Variants in PIP4K2A observed in about 807,000 individuals in gnomAD.
The protein encoded by PIP4K2A is phosphatidylinositol-5-phosphate 4-kinase type 2 alpha.
A neutral mutation model predicts 42.9 loss-of-function variants in PIP4K2A; 14 were observed. That is an observed-to-expected ratio of 0.33 (90% confidence interval 0.22 to 0.51). The LOEUF (loss-of-function observed/expected upper bound fraction) is 0.51. Ranked by LOEUF, PIP4K2A falls within the 20% of genes least tolerant of loss-of-function variation. The probability of loss-of-function intolerance (pLI) is 0.97; values close to 1 mark genes in which losing one functional copy is unlikely to be tolerated. For synonymous variants in PIP4K2A, 192 were observed against 192.2 expected, an observed-to-expected ratio of 1.00 and a Z score of 0.01; for missense variants, 434 against 519.8, an observed-to-expected ratio of 0.83 and a Z score of 1.61.
chr10:22,609,423 A>C (rs1318758459), intron 2 of PIP4K2A, among the ~76,000 whole-genome samples, 197 bp downstream of exon 2: 1 of 152,270 alleles, frequency 6.6e-6, no homozygotes, highest in Non-Finnish European at 1.5e-5. Flanking sequence ...ACAATATGCC[A>C]TATGGCAAAG....
chr10:22,645,592 A>G (rs1057201912), intron 1 of PIP4K2A, among the ~76,000 whole-genome samples: 1 of 151,540 alleles, frequency 6.6e-6, no homozygotes, highest in African/African-American at 2.4e-5. Context: ...AAAGAAAAAG[A>G]TTAGTTTTGA....
intron 1 of PIP4K2A, 110 bp from the exon 2 acceptor site, chr10:22,609,827 T>TCCCA: frequency 1.6e-6 from 1 of 637,526 alleles, no homozygotes; most frequent in South Asian, 2.0e-5. Context: ...GAACTTCTCT[T>TCCCA]CCCACCCACC....
chr10:22,597,173 T>C (rs990132661), intron 3 of PIP4K2A, among the ~76,000 whole-genome samples: 1 of 152,136 alleles, frequency 6.6e-6, no homozygotes, highest in Non-Finnish European at 1.5e-5. Flanking sequence ...ATTAACTGAG[T>C]AGGAAGAGTA....
chr10:22,554,288 T>C (rs2130766365), intron 6 of PIP4K2A, among the ~76,000 whole-genome samples: 1 of 152,338 alleles, frequency 6.6e-6, no homozygotes, highest in South Asian at 2.1e-4. Flanking sequence ...AACATCTTTT[T>C]TTTAAATGTG....
At chr10:22,632,013 G>A (rs978445112) in intron 1 of PIP4K2A, among the ~76,000 whole-genome samples, 1 of 151,834 alleles carries the variant, frequency 6.6e-6, no homozygotes, top group Admixed American at 6.6e-5. Flanking sequence ...TGGTATTCTC[G>A]TGAAAACTGC....
intron 4 of PIP4K2A, among the ~76,000 whole-genome samples, chr10:22,584,273 A>C (rs934828320): frequency 6.6e-6 from 1 of 151,954 alleles, no homozygotes; most frequent in Non-Finnish European, 1.5e-5. Context: ...TCAGATTTTG[A>C]AAAATCTTCT....
chr10:22,668,199 C>T (rs1432326022), intron 1 of PIP4K2A, among the ~76,000 whole-genome samples: 1 of 152,170 alleles, frequency 6.6e-6, no homozygotes. Flanking sequence ...ATCCGCCTGC[C>T]TTGGCCTCCC....
chr10:22,567,944 C>A (rs780798147), intron 5 of PIP4K2A, 55 bp from the exon 6 acceptor site: 2 of 1,492,616 alleles, frequency 1.3e-6, no homozygotes, highest in Admixed American at 1.7e-5. Context: ...GGGTTTCACA[C>A]GCAGAAAATA....
In PIP4K2A at chr10:22,593,685, A is replaced by G. The variant is rs928236906; in HGVS notation, c.340-1904T>C. 8.5e-5 allele frequency among the ~76,000 whole-genome samples: 13 copies of G among 152,362 alleles called. No homozygotes were observed. The East Asian group carries it at 1.9e-3, about 23-fold the overall frequency. ...TTTTTCTTGCAATCACTAATTTGCA[A>G]AAGGGTATTTCTTTCAAATAAAACA... is the stretch of plus-strand genomic sequence containing the variant. On this transcript the variant is annotated intron_variant, in intron 3 of 9. Coordinates refer to ENST00000376573, the MANE Select transcript of PIP4K2A (RefSeq NM_005028.5).
Position 22,664,100 on chromosome 10 carries a change from T to TAC in PIP4K2A, c.144+50082_144+50083insGT, listed in dbSNP as rs1371122781. On this transcript the variant is annotated intron_variant, in intron 1 of 9. Transcript: ENST00000376573. Reference sequence around the variant, plus strand: ...ACGTATATATATATACATATATATATATACATATATATATACATATATATA... The same window carrying TAC: ...ACGTATATATATATACATATATATATACATACATATATATATACATATATATA... Among the ~76,000 whole-genome samples, 6 of 81,116 alleles carry TAC rather than the reference T, an allele frequency of 7.4e-5. 1 individual carries two copies. Among genetic ancestry groups the TAC allele is most frequent in the African/African-American group, 5.4e-4 (5 of 9,344 alleles). 53.2% of individuals were successfully genotyped at this position (81,116 alleles called of 152,430 possible). A position where few individuals can be genotyped will look rare whatever the true frequency, so the allele number is the denominator to read the frequency against.
chr10:22,634,280 C>A (rs146972784), intron 1 of PIP4K2A, among the ~76,000 whole-genome samples: 1 of 152,342 alleles, frequency 6.6e-6, no homozygotes, highest in Non-Finnish European at 1.5e-5. Flanking sequence ...AACTATCATG[C>A]ATCACACCTT....
intron 3 of PIP4K2A, among the ~76,000 whole-genome samples, chr10:22,603,716 C>T (rs1198881379): frequency 6.6e-6 from 1 of 152,066 alleles, no homozygotes; most frequent in East Asian, 1.9e-4. Context: ...GCATGAAATC[C>T]CAGACCTCAG....
chr10:22,666,381 A>G (rs1470379103), intron 1 of PIP4K2A, among the ~76,000 whole-genome samples: 2 of 152,208 alleles, frequency 1.3e-5, no homozygotes, highest in Non-Finnish European at 2.9e-5. Context: ...TATAAAAGTC[A>G]CGGGAGAAAC....
chr10:22,608,733 T>C (rs867672360), intron 2 of PIP4K2A, among the ~76,000 whole-genome samples: 1 of 152,106 alleles, frequency 6.6e-6, no homozygotes, highest in Non-Finnish European at 1.5e-5. Context: ...AAAAATCAGC[T>C]GGGCATGGTA....
At chr10:22,588,280 C>A (rs746170940) in intron 4 of PIP4K2A, among the ~76,000 whole-genome samples, 1 of 152,084 alleles carries the variant, frequency 6.6e-6, no homozygotes, top group African/African-American at 2.4e-5. Flanking sequence ...GCAGCCTATA[C>A]GGACAATTTT....
intron 1 of PIP4K2A, among the ~76,000 whole-genome samples, chr10:22,675,515 G>A (rs1839539898): frequency 6.6e-6 from 1 of 152,112 alleles, no homozygotes; most frequent in African/African-American, 2.4e-5. Context: ...GAACCCGGGA[G>A]GTGGAGGTTG....
intron 1 of PIP4K2A, among the ~76,000 whole-genome samples, chr10:22,611,250 C>T (rs905848791): frequency 2.0e-5 from 3 of 151,862 alleles, no homozygotes; most frequent in Non-Finnish European, 4.4e-5. Context: ...GTTAGCTGGG[C>T]GTGGTGGTGT....
rs562182475 is a variant in PIP4K2A at position 22,671,021 on chromosome 10, G to A, written c.144+43162C>T. Among the ~76,000 whole-genome samples, 10 of 152,252 alleles carry A rather than the reference G, an allele frequency of 6.6e-5. No homozygotes were observed. In the South Asian group the frequency reaches 2.1e-3, roughly 32 times the overall value. On this transcript the variant is annotated intron_variant, in intron 1 of 9. Transcript: ENST00000376573. ...GCATCCAGTAACTACTGGCTATGAT[G>A]TAAATGCCTTTCCCTTCACTGAGTA...
At chr10:22,558,123 C>T (rs77141996) in intron 6 of PIP4K2A, among the ~76,000 whole-genome samples, 1,811 of 152,250 alleles carry the variant, frequency 0.012, 31 homozygotes, top group African/African-American at 0.038. Flanking sequence ...CCTTTTGATA[C>T]GCTGTCACTG....
Sources: gnomAD v4.1 joint callset for allele counts (sites outside exome capture counted in the v4.1 genomes callset) on GRCh38, gnomAD v4.1.1 for gene constraint, MANE v1.5 for transcripts, NCBI Gene and HGNC (gene_info 2026-07-23, HGNC 2026-07-21) for gene names.